CIB2: variants seen among roughly 807,000 people sequenced by gnomAD.
CIB2 encodes calcium and integrin binding family member 2.
Under a neutral mutation model 23.1 loss-of-function variants are expected in CIB2, and 19 were observed. That is an observed-to-expected ratio of 0.82 (90% CI 0.57 to 1.21). CIB2 has a LOEUF of 1.21. Ranked by LOEUF, CIB2 falls within the 50% of genes most tolerant of loss-of-function variation. CIB2 has a pLI of 0.00. For synonymous variants in CIB2, 94 were observed against 91.7 expected, an observed-to-expected ratio of 1.03 and a Z score of -0.14; for missense variants, 220 against 241.5, an observed-to-expected ratio of 0.91 and a Z score of 0.59.
intron 4 of CIB2, among the ~76,000 whole-genome samples, chr15:78,106,591 G>C (rs962923840): frequency 6.6e-6 from 1 of 152,182 alleles, no homozygotes; most frequent in African/African-American, 2.4e-5. Context: ...ATGGTTCAGA[G>C]GACCGAGCCA....
rs561013402 is a variant in CIB2, at chr15:78,120,427, A to C, written c.86+3278T>G. The C allele has an allele frequency of 9.5e-5, 43 of 454,886 alleles. No individual in the cohort carries two copies. In the Middle Eastern group the frequency reaches 4.4e-3, roughly 47 times the overall value. 28.2% of individuals were successfully genotyped at this position (454,886 alleles called of 1,614,324 possible). ...TTAAAAGGTTGAGAAAATAAACAATAAAATAACAAGTAGGCAAATACCTTG... is the reference window on the plus strand; with the variant it reads ...TTAAAAGGTTGAGAAAATAAACAATCAAATAACAAGTAGGCAAATACCTTG... On this transcript the variant is annotated intron_variant, in intron 2 of 5. Transcript: ENST00000258930.
At chr15:78,130,183 C>T (rs766756520) in intron 1 of CIB2, among the ~76,000 whole-genome samples, 5 of 152,172 alleles carry the variant, frequency 3.3e-5, no homozygotes, top group Admixed American at 2.6e-4. Flanking sequence ...CTGCCCCCTC[C>T]GCCTGGGGAG....
chr15:78,109,855 C>T (rs2074130067), intron 3 of CIB2, among the ~76,000 whole-genome samples: 2 of 150,626 alleles, frequency 1.3e-5, no homozygotes, highest in Admixed American at 1.3e-4. Flanking sequence ...TGTGTTATCA[C>T]TGGAGGCACT....
At chr15:78,117,702 G>A (rs1567055108) in intron 2 of CIB2, among the ~76,000 whole-genome samples, 1 of 152,136 alleles carries the variant, frequency 6.6e-6, no homozygotes, top group Non-Finnish European at 1.5e-5. Context: ...CAACTAGCTG[G>A]GGCTAAGGAG....
chr15:78,110,725 A>T, intron 3 of CIB2: 1 of 456,396 alleles, frequency 2.2e-6, no homozygotes, highest in Non-Finnish European at 4.4e-6. Context: ...TGGCATTTGG[A>T]CAAGATCCCT....
At position 78,114,063 on chromosome 15, in the gene CIB2, G is replaced by A. The variant is rs555673608; in HGVS notation, c.87-2787C>T. Among the ~76,000 whole-genome samples the A allele has an allele frequency of 7.2e-5, 11 of 152,314 alleles. No individual in the cohort carries two copies. The South Asian group carries it at 2.3e-3, about 32-fold the overall frequency. ...AGTGGGTTAATCCACTGAAGGATAA[G>A]TTTCTCTATCAGTAAAGCAGGGGCT... On this transcript the variant is annotated intron_variant, in intron 2 of 5. Coordinates refer to ENST00000258930, the MANE Select transcript of CIB2 (RefSeq NM_006383.4).
intron 1 of CIB2, among the ~76,000 whole-genome samples, chr15:78,129,666 C>G (rs2074428298): frequency 6.6e-6 from 1 of 152,176 alleles, no homozygotes; most frequent in African/African-American, 2.4e-5. Flanking sequence ...ACAAGGGCCA[C>G]ACACTGGAGG....
chr15:78,120,837 T>G (rs973512478), intron 2 of CIB2: 1 of 608,062 alleles, frequency 1.6e-6, no homozygotes, highest in Non-Finnish European at 2.1e-6. Flanking sequence ...AAGAAAACCA[T>G]CCTGGTGGGG....
chr15:78,129,697 T>G (rs2074428825), intron 1 of CIB2, among the ~76,000 whole-genome samples: 1 of 152,156 alleles, frequency 6.6e-6, no homozygotes, highest in African/African-American at 2.4e-5. Flanking sequence ...TCTCTGAGTG[T>G]CTGAGACTGA....
intron 2 of CIB2, among the ~76,000 whole-genome samples, chr15:78,115,381 T>C (rs575662554): frequency 6.6e-6 from 1 of 151,936 alleles, no homozygotes; most frequent in East Asian, 2.0e-4. Context: ...TGCCTCGGCC[T>C]CCCAAGTAGC....
chr15:78,122,258 G>A (rs950174665), intron 2 of CIB2, among the ~76,000 whole-genome samples: 1 of 152,228 alleles, frequency 6.6e-6, no homozygotes, highest in Non-Finnish European at 1.5e-5. Flanking sequence ...TAGCAATGCT[G>A]TGGGCAGAGG....
intron 2 of CIB2, chr15:78,120,478 G>C: frequency 2.2e-6 from 2 of 908,732 alleles, no homozygotes; most frequent in Non-Finnish European, 2.6e-6. Context: ...GGGCCTCTCT[G>C]TGTACCAAGG....
chr15:78,105,957 G>C (rs2074064825), intron 4 of CIB2, 23 bp from the exon 5 acceptor site: 1 of 1,607,232 alleles, frequency 6.2e-7, no homozygotes. Context: ...GGTTGGACAT[G>C]TTCAAGTCCA....
chr15:78,130,774 G>A (rs1022941566), intron 1 of CIB2, among the ~76,000 whole-genome samples: 4 of 152,148 alleles, frequency 2.6e-5, no homozygotes, highest in Non-Finnish European at 5.9e-5. Context: ...ACAGAGACTC[G>A]CTCTCCTGGG....
At position 78,131,115 on chromosome 15, in the gene CIB2, G is replaced by T; in HGVS notation, c.51+50C>A. The T allele has an allele frequency of 6.7e-7, 1 of 1,497,056 alleles. No homozygotes were observed. The highest frequency in any genetic ancestry group is 9.0e-7 in the Non-Finnish European group (1 of 1,109,126). 92.7% of individuals were successfully genotyped at this position (1,497,056 alleles called of 1,614,324 possible). A position where few individuals can be genotyped will look rare whatever the true frequency, so the allele number is the denominator to read the frequency against. ...CGGCCAGCGACCGAGAAAAGGGAGGGGCGGCGGGGCGGCGGGGCCTGTGTT... is the reference window on the plus strand; with the variant it reads ...CGGCCAGCGACCGAGAAAAGGGAGGTGCGGCGGGGCGGCGGGGCCTGTGTT... On this transcript the variant is annotated intron_variant, in intron 1 of 5. Coordinates refer to ENST00000258930, the MANE Select transcript of CIB2 (RefSeq NM_006383.4). The surrounding 1 kb of genome is among the most constrained non-coding windows in gnomAD (Gnocchi z 5.8).
At chr15:78,105,636 G>A (rs755855271) in intron 5 of CIB2, 103 bp downstream of exon 5, 14 of 1,588,612 alleles carry the variant, frequency 8.8e-6, no homozygotes, top group Middle Eastern at 1.7e-4. Context: ...CTTCCTGGCC[G>A]CACACCACTG....
At chr15:78,109,426 C>T in intron 3 of CIB2, 44 bp from the exon 4 acceptor site, 1 of 1,611,788 alleles carries the variant, frequency 6.2e-7, no homozygotes, top group Non-Finnish European at 8.5e-7. Flanking sequence ...GCAGGATAAG[C>T]AGGAGGGCCC....
intron 1 of CIB2, among the ~76,000 whole-genome samples, chr15:78,126,526 C>A (rs917928993): frequency 1.3e-5 from 2 of 152,200 alleles, no homozygotes; most frequent in African/African-American, 4.8e-5. Flanking sequence ...CTCTGTGCTT[C>A]TTGGCCACTG....
At chr15:78,108,339 A>C (rs1261582710) in intron 4 of CIB2, among the ~76,000 whole-genome samples, 2 of 152,158 alleles carry the variant, frequency 1.3e-5, no homozygotes, top group Non-Finnish European at 2.9e-5. Context: ...CTTCAGGTCC[A>C]AGTTGGGTCC....
Sources: gnomAD v4.1 joint callset for allele counts (sites outside exome capture counted in the v4.1 genomes callset) on GRCh38, gnomAD v4.1.1 for gene constraint, Gnocchi (gnomAD v3.1) non-coding constraint, MANE v1.5 for transcripts, NCBI Gene and HGNC (gene_info 2026-07-23, HGNC 2026-07-21) for gene names.